The following DTYMK variants were observed in gnomAD, a reference collection of about 807,000 sequenced individuals.
DTYMK encodes the protein thymidylate kinase.
A neutral mutation model predicts 20.3 loss-of-function variants in DTYMK; 20 were observed. That is an observed-to-expected ratio of 0.99 (90% confidence interval 0.69 to 1.43). DTYMK has a LOEUF of 1.43. Among genes scored for constraint, DTYMK ranks in the 40% most tolerant of loss-of-function variants. The pLI, the probability that DTYMK is intolerant of heterozygous loss-of-function variation, is 0.00. For synonymous variants in DTYMK, 148 were observed against 124.4 expected, an observed-to-expected ratio of 1.19 and a Z score of -1.27; for missense variants, 320 against 291.1, an observed-to-expected ratio of 1.10 and a Z score of -0.72.
chr2:241,678,224 C>T (rs1023831767), intron 4 of DTYMK, among the ~76,000 whole-genome samples: 2 of 151,954 alleles, frequency 1.3e-5, no homozygotes, highest in South Asian at 2.1e-4. Context: ...GAGCTGAGAT[C>T]GTGCCATTGC....
intron 3 of DTYMK, among the ~76,000 whole-genome samples, chr2:241,680,008 A>G (rs1270656305): frequency 6.6e-6 from 1 of 151,538 alleles, no homozygotes; most frequent in African/African-American, 2.4e-5. Context: ...AATATAATCC[A>G]AATACCAACT....
chr2:241,675,999 G>A lies in DTYMK; in HGVS notation c.*128C>T, dbSNP rs566574902. On this transcript the variant is annotated 3_prime_UTR_variant, in exon 5 of 5. Coordinates refer to ENST00000305784, the MANE Select transcript of DTYMK (RefSeq NM_012145.4). ...TCCGGGGCAGAAGAGGCAGCCTGCA[G>A]ATCTCTGCTGCCGGGAAAGAGCTCC... The A allele has an allele frequency of 8.5e-5, 78 of 921,544 alleles. 1 individual carries two copies. In the East Asian group the frequency reaches 1.8e-3, roughly 22 times the overall value. The allele number at this position is 921,544 out of a possible 1,614,324, so 57.1% of individuals were successfully genotyped here.
intron 2 of DTYMK, chr2:241,684,569 G>A (rs2069335638): frequency 2.7e-6 from 1 of 365,486 alleles, no homozygotes; most frequent in Non-Finnish European, 5.6e-6. Context: ...GGATCTGTAA[G>A]TGCAGAAATC....
intron 1 of DTYMK, 119 bp from the exon 2 acceptor site, chr2:241,685,996 A>T: frequency 9.6e-7 from 1 of 1,037,204 alleles, no homozygotes; most frequent in Non-Finnish European, 1.4e-6. Flanking sequence ...TTACTTTACT[A>T]AATCTCTAGA....
Position 241,686,795 on chromosome 2 carries a change from G to C in DTYMK, c.-12C>G. 6.9e-7 allele frequency: 1 copy of C among 1,443,136 alleles called. No individual in the cohort carries two copies. The highest frequency in any genetic ancestry group is 9.0e-7 in the Non-Finnish European group (1 of 1,110,762). 89.4% of individuals were successfully genotyped at this position (1,443,136 alleles called of 1,614,324 possible). A position where few individuals can be genotyped will look rare whatever the true frequency, so the allele number is the denominator to read the frequency against. ...CGCCGGGCCGCCATGACTGTCCACC[G>C]CCCGCCGCTGGCGTCTCCACGCAGC... On this transcript the variant is annotated 5_prime_UTR_variant, in exon 1 of 5. Coordinates refer to ENST00000305784, the MANE Select transcript of DTYMK (RefSeq NM_012145.4).
In DTYMK at chr2:241,676,127, T is replaced by C; in HGVS notation, c.639A>G (p.Ter213TrpextTer95). ...GGCGTCTCCAGTGGGCAGCCTTGGG[T>C]CACTTCCATAGCTCCCCCAGCGGCT... ...TEKPLGELWK[*>W] is the part of the protein sequence containing the mutation. Residue 213 changes from the stop codon to tryptophan (W), a stop_lost, in exon 5 of 5, where the codon TGA becomes TGG. Transcript: ENST00000305784. 6.2e-7 allele frequency: 1 copy of C among 1,608,794 alleles called. No homozygotes were observed. The highest frequency in any genetic ancestry group is 2.2e-5 in the East Asian group (1 of 44,684).
chr2:241,684,702 T>C (rs531898347), intron 2 of DTYMK: 27 of 461,246 alleles, frequency 5.9e-5, no homozygotes, highest in Middle Eastern at 3.8e-4. Flanking sequence ...AATAAAAACA[T>C]TGAAAGAACA....
chr2:241,676,265 AAG>A, intron 4 of DTYMK, 28 bp from the exon 5 acceptor site: 1 of 1,595,276 alleles, frequency 6.3e-7, no homozygotes, highest in Non-Finnish European at 8.5e-7. Flanking sequence ...TCAGGAGAAA[AAG>A]AGGCTCATCA....
At chr2:241,676,277 A>G (rs2069114883) in intron 4 of DTYMK, 40 bp from the exon 5 acceptor site, 1 of 1,573,138 alleles carries the variant, frequency 6.4e-7, no homozygotes, top group Non-Finnish European at 8.6e-7. Context: ...GAGGCTCATC[A>G]GCACGTTCCA....
At chr2:241,683,856 A>G (rs1014092512) in intron 2 of DTYMK, among the ~76,000 whole-genome samples, 1 of 152,148 alleles carries the variant, frequency 6.6e-6, no homozygotes, top group Non-Finnish European at 1.5e-5. Context: ...TCAGGAGTTC[A>G]AGACCACCCT....
chr2:241,685,929 T>G, intron 1 of DTYMK, 52 bp from the exon 2 acceptor site: 1 of 1,550,640 alleles, frequency 6.4e-7, no homozygotes, highest in Non-Finnish European at 8.9e-7. Context: ...GCTTTCCCTC[T>G]ATATTACAAT....
At chr2:241,686,117 TAG>T (rs1223270277) in intron 1 of DTYMK, among the ~76,000 whole-genome samples, 1 of 152,170 alleles carries the variant, frequency 6.6e-6, no homozygotes, top group Non-Finnish European at 1.5e-5. Flanking sequence ...GGGTAGAAAG[TAG>T]AGACTTCAAA....
chr2:241,676,852 G>C (rs1450458730), intron 4 of DTYMK, among the ~76,000 whole-genome samples: 1 of 152,230 alleles, frequency 6.6e-6, no homozygotes, highest in Non-Finnish European at 1.5e-5. Flanking sequence ...ACCCTGCCCT[G>C]CCCACGCTCC....
In DTYMK at chr2:241,680,149, T is replaced by C. The variant is rs2069206504; in HGVS notation, c.330+80A>G. ...AAACTCTGCAGAGTAATCTGAGGCA[T>C]GTCACTCGTACTCGCATTCAAGGGC... is the stretch of plus-strand genomic sequence containing the variant. On this transcript the variant is annotated intron_variant, in intron 3 of 4. Transcript: ENST00000305784. The C allele has an allele frequency of 9.3e-6, 12 of 1,290,800 alleles. 1 individual carries two copies. The South Asian group carries it at 1.1e-4, about 12-fold the overall frequency. 80.0% of individuals were successfully genotyped at this position (1,290,800 alleles called of 1,614,324 possible).
chr2:241,684,742 G>A (rs751038072), intron 2 of DTYMK: 2 of 466,984 alleles, frequency 4.3e-6, no homozygotes, highest in Admixed American at 2.4e-5. Flanking sequence ...GAATGAAGAG[G>A]AAACCTACTA....
At position 241,678,491 on chromosome 2, in the gene DTYMK, A is replaced by G; in HGVS notation, c.489T>C (p.Cys163=). 1 of 1,614,208 alleles carries G rather than the reference A, an allele frequency of 6.2e-7. No homozygotes were observed. Among genetic ancestry groups the G allele is most frequent in the South Asian group, 1.1e-5 (1 of 91,080 alleles). Residue 163 remains cysteine (C), a synonymous_variant, in exon 4 of 5, where the codon TGT becomes TGC. Coordinates refer to ENST00000305784, the MANE Select transcript of DTYMK (RefSeq NM_012145.4). ...NGAFQERALR[C]FHQLMKDTTL... ...TCGTGTCTTTCATGAGCTGGTGGAA[A>G]CACCGGAGCGCCCGCTCCTGGAAAG...
Position 241,675,956 on chromosome 2 carries a change from T to G in DTYMK, c.*171A>C. The G allele has an allele frequency of 1.6e-6, 1 of 609,376 alleles. No individual in the cohort carries two copies. The highest frequency in any genetic ancestry group is 2.3e-5 in the South Asian group (1 of 43,388). The allele number at this position is 609,376 out of a possible 1,614,324, so 37.7% of individuals were successfully genotyped here. A position where few individuals can be genotyped will look rare whatever the true frequency, so the allele number is the denominator to read the frequency against. ...ACTGCCAAGGTCCCCACCACGGGGG[T>G]CCCCAGTGCACCCCAGCTCCGGGGC... On this transcript the variant is annotated 3_prime_UTR_variant, in exon 5 of 5. Coordinates refer to ENST00000305784, the MANE Select transcript of DTYMK (RefSeq NM_012145.4).
chr2:241,682,338 AAAAAG>A (rs1442993216), intron 2 of DTYMK: 6 of 400,526 alleles, frequency 1.5e-5, no homozygotes, highest in Non-Finnish European at 3.0e-5. Flanking sequence ...CCCTGTCTAA[AAAAAG>A]AAAAGAGAGA....
At chr2:241,677,763 G>T (rs555260634) in intron 4 of DTYMK, among the ~76,000 whole-genome samples, 1 of 152,346 alleles carries the variant, frequency 6.6e-6, no homozygotes, top group East Asian at 1.9e-4. Flanking sequence ...AGGACTGAAG[G>T]GAGAGGCAGC....
Sources: allele counts gnomAD v4.1 joint callset (sites outside exome capture counted in the v4.1 genomes callset), GRCh38; gene constraint gnomAD v4.1.1; transcripts MANE v1.5; gene names NCBI Gene and HGNC (gene_info 2026-07-23, HGNC 2026-07-21).